The following XRN1 variants were observed in gnomAD, a reference collection of about 807,000 sequenced individuals.
The protein encoded by XRN1 is strand-exchange protein 1 homolog.
Under a neutral mutation model 222.3 loss-of-function variants are expected in XRN1, and 67 were observed. The ratio of observed to expected loss-of-function variants is 0.30; its 90% confidence interval spans 0.25 to 0.37. The LOEUF (loss-of-function observed/expected upper bound fraction) is 0.37. XRN1 is among the 10% of genes least tolerant of loss of function. The pLI, the probability that XRN1 is intolerant of heterozygous loss-of-function variation, is 1.00. For synonymous variants in XRN1, 643 were observed against 652.4 expected, an observed-to-expected ratio of 0.99 and a Z score of 0.22; for missense variants, 1,707 against 2,000.2, an observed-to-expected ratio of 0.85 and a Z score of 2.80.
chr3:142,349,214 A>T (rs1559805466), intron 32 of XRN1, among the ~76,000 whole-genome samples: 1 of 152,138 alleles, frequency 6.6e-6, no homozygotes, highest in Non-Finnish European at 1.5e-5. Flanking sequence ...TTGGCCTTCA[A>T]AAGTGCTGGG....
chr3:142,365,772 C>T (rs752435503), intron 27 of XRN1, among the ~76,000 whole-genome samples: 2 of 152,108 alleles, frequency 1.3e-5, no homozygotes, highest in Non-Finnish European at 2.9e-5. Flanking sequence ...ACTTCTAACA[C>T]AAAAGATTAC....
chr3:142,308,580 T>G lies in XRN1; in HGVS notation c.*2931A>C, dbSNP rs2065016293. 1 of 152,186 alleles carries G rather than the reference T, an allele frequency of 6.6e-6. No homozygotes were observed. Among genetic ancestry groups the G allele is most frequent in the Non-Finnish European group, 1.5e-5 (1 of 68,032 alleles). The allele number at this position is 152,186 out of a possible 1,614,324, so 9.4% of individuals were successfully genotyped here. A position where few individuals can be genotyped will look rare whatever the true frequency, so the allele number is the denominator to read the frequency against. ...GTTTAAGACTTTAGTCTACATGATG[T>G]TTAAATCAATTAATACATTCAAATT... On this transcript the variant is annotated 3_prime_UTR_variant, in exon 41 of 41. Transcript: ENST00000392981.
At chr3:142,379,243 C>A (rs1447946839) in intron 23 of XRN1, among the ~76,000 whole-genome samples, 1 of 152,172 alleles carries the variant, frequency 6.6e-6, no homozygotes, top group Non-Finnish European at 1.5e-5. Flanking sequence ...TGCACTCCAG[C>A]CTGGATGACA....
rs192646680 is a variant in XRN1, at chr3:142,327,306, T to C, written c.4404+2128A>G. Reference sequence around the variant, plus strand: ...AATGTTGTTCTATTCAAGTTTTGGATTTCTTCATGGTTCAATCTTGGTATG... The same window carrying C: ...AATGTTGTTCTATTCAAGTTTTGGACTTCTTCATGGTTCAATCTTGGTATG... On this transcript the variant is annotated intron_variant, in intron 37 of 40. Transcript: ENST00000392981. Among the ~76,000 whole-genome samples the C allele has an allele frequency of 2.6e-5, 4 of 152,272 alleles. No individual in the cohort carries two copies. The East Asian group carries it at 7.7e-4, about 29-fold the overall frequency.
rs1458578701 is a variant in XRN1 at position 142,382,547 on chromosome 3, T to TTC, written c.2616+751_2616+752dup. On this transcript the variant is annotated intron_variant, in intron 22 of 40. Coordinates refer to ENST00000392981, the MANE Select transcript of XRN1 (RefSeq NM_001282857.2). ...TTTACATGACATACTCCCACCATTC[T>TTC]TCTGAGCACCTCCTTACTTTCTGAC... is the stretch of plus-strand genomic sequence containing the variant. Among the ~76,000 whole-genome samples, 8 of 152,318 alleles carry TTC rather than the reference T, an allele frequency of 5.3e-5. No homozygotes were observed. In the East Asian group the frequency reaches 1.3e-3, roughly 26 times the overall value.
intron 2 of XRN1, among the ~76,000 whole-genome samples, chr3:142,431,914 A>C (rs13061487): frequency 3.1e-5 from 1 of 32,144 alleles, no homozygotes; most frequent in African/African-American, 2.0e-4. Flanking sequence ...ATATATATAA[A>C]TATATATAAT....
At chr3:142,325,792 G>C (rs180860111) in intron 37 of XRN1, among the ~76,000 whole-genome samples, 1 of 152,164 alleles carries the variant, frequency 6.6e-6, no homozygotes, top group Admixed American at 6.5e-5. Context: ...CAGTTTAATA[G>C]CTACAGATCT....
chr3:142,433,279 A>C (rs1447995335), intron 1 of XRN1, among the ~76,000 whole-genome samples: 2 of 152,222 alleles, frequency 1.3e-5, no homozygotes, highest in Admixed American at 6.5e-5. Context: ...CAAAAAGCCC[A>C]TTTACATCAA....
intron 20 of XRN1, among the ~76,000 whole-genome samples, chr3:142,385,190 A>G (rs1263199497): frequency 6.6e-6 from 1 of 152,210 alleles, no homozygotes; most frequent in Admixed American, 6.5e-5. Context: ...TAGCACCACT[A>G]TTCAAATAGC....
At chr3:142,445,419 A>G (rs2070459500) in intron 1 of XRN1, among the ~76,000 whole-genome samples, 1 of 152,132 alleles carries the variant, frequency 6.6e-6, no homozygotes, top group African/African-American at 2.4e-5. Context: ...TTCTCGTATA[A>G]TAACTTTGTA....
chr3:142,344,913 T>C (rs2066099029), intron 33 of XRN1, among the ~76,000 whole-genome samples: 1 of 152,134 alleles, frequency 6.6e-6, no homozygotes, highest in Non-Finnish European at 1.5e-5. Flanking sequence ...AAAATTCATA[T>C]GGAAATGCAA....
chr3:142,393,310 G>C (rs1267914392), intron 20 of XRN1, among the ~76,000 whole-genome samples: 2 of 148,642 alleles, frequency 1.3e-5, no homozygotes, highest in Non-Finnish European at 3.0e-5. Context: ...CTTTTGCTGT[G>C]CAGAAGCTCT....
intron 2 of XRN1, among the ~76,000 whole-genome samples, chr3:142,430,443 G>A (rs1468649653): frequency 6.6e-6 from 1 of 152,172 alleles, no homozygotes; most frequent in East Asian, 1.9e-4. Flanking sequence ...GTTCCCAGGA[G>A]TTTCTCAACT....
intron 20 of XRN1, among the ~76,000 whole-genome samples, chr3:142,389,947 C>T (rs553132966): frequency 1.3e-5 from 2 of 152,310 alleles, no homozygotes; most frequent in Admixed American, 1.3e-4. Context: ...AACATTATCT[C>T]CTTGCATATC....
chr3:142,447,852 T>G lies in XRN1; in HGVS notation c.75+18A>C. On this transcript the variant is annotated intron_variant, in intron 1 of 40. Coordinates refer to ENST00000392981, the MANE Select transcript of XRN1 (RefSeq NM_001282857.2). The surrounding 1 kb of genome is among the most constrained non-coding windows in gnomAD (Gnocchi z 4.2). The stretch of plus-strand genomic sequence containing the variant: ...CCGGGTCCTCGGCTTTCTGAGCCGT[T>G]GCCCCTCGCTCACCCACCTGATGCT... 1 of 1,612,882 alleles carries G rather than the reference T, an allele frequency of 6.2e-7. No individual in the cohort carries two copies. The highest frequency in any genetic ancestry group is 1.1e-5 in the South Asian group (1 of 90,990).
chr3:142,385,823 G>C (rs2067479913), intron 20 of XRN1, among the ~76,000 whole-genome samples: 1 of 151,716 alleles, frequency 6.6e-6, no homozygotes. Flanking sequence ...AATTCCTAAG[G>C]TTGATCATTT....
chr3:142,362,707 T>C (rs928912566), intron 29 of XRN1, among the ~76,000 whole-genome samples: 4 of 150,396 alleles, frequency 2.7e-5, no homozygotes, highest in South Asian at 2.1e-4. Flanking sequence ...TCCCTTCTTT[T>C]CTTTCTTTCT....
At chr3:142,412,974 ATTGT>A (rs1322130762) in intron 14 of XRN1, among the ~76,000 whole-genome samples, 2 of 152,110 alleles carry the variant, frequency 1.3e-5, no homozygotes, top group Non-Finnish European at 2.9e-5. Flanking sequence ...ACACAGCTAA[ATTGT>A]TTTTCTATTC....
intron 33 of XRN1, among the ~76,000 whole-genome samples, chr3:142,338,942 T>C (rs1296518542): frequency 6.6e-6 from 1 of 151,996 alleles, no homozygotes; most frequent in African/African-American, 2.4e-5. Context: ...ACAACACAGA[T>C]TTCTAAGGTT....
Sources: allele counts gnomAD v4.1 joint callset (sites outside exome capture counted in the v4.1 genomes callset), GRCh38; gene constraint gnomAD v4.1.1; non-coding constraint Gnocchi (gnomAD v3.1); transcripts MANE v1.5; gene names NCBI Gene and HGNC (gene_info 2026-07-23, HGNC 2026-07-21).